The following RANBP17 variants were observed in gnomAD, a reference collection of about 807,000 sequenced individuals.
RANBP17 encodes ran-binding protein 17.
RANBP17 carries 158 observed loss-of-function variants against 141.2 expected under a neutral mutation model. The ratio of observed to expected loss-of-function variants is 1.12; its 90% CI spans 0.98 to 1.28. The LOEUF is 1.28. RANBP17 is among the 50% of genes most tolerant of loss of function. The pLI is 0.00. For synonymous variants in RANBP17, 430 were observed against 450.0 expected, an observed-to-expected ratio of 0.96 and a Z score of 0.56; for missense variants, 1,438 against 1,290.7, an observed-to-expected ratio of 1.11 and a Z score of -1.75.
At chr5:171,122,384 G>A (rs1756104333) in intron 14 of RANBP17, among the ~76,000 whole-genome samples, 1 of 152,168 alleles carries the variant, frequency 6.6e-6, no homozygotes. Context: ...CTTTGGGTGT[G>A]ACTTCAAGAT....
At chr5:171,289,555 A>G (rs1442684215) in intron 25 of RANBP17, among the ~76,000 whole-genome samples, 1 of 151,870 alleles carries the variant, frequency 6.6e-6, no homozygotes, top group Admixed American at 6.6e-5. Context: ...CTGGGCAACA[A>G]AAAGAGATCT....
At chr5:171,029,729 T>C (rs1781440060) in intron 14 of RANBP17, among the ~76,000 whole-genome samples, 1 of 152,110 alleles carries the variant, frequency 6.6e-6, no homozygotes. Context: ...GAGGCTATTT[T>C]CTGGACAAAA....
Position 171,035,110 on chromosome 5 carries a change from T to TTA in RANBP17, c.1710+66741_1710+66742dup, listed in dbSNP as rs557064883. Among the ~76,000 whole-genome samples the TTA allele has an allele frequency of 1.4e-4, 22 of 152,322 alleles. No individual in the cohort carries two copies. The South Asian group carries it at 4.6e-3, about 32-fold the overall frequency. ...GTATAAGAAATGCTAGATGGGGTTG[T>TTA]TATATATATGATTTTTTGTAGAAGG... On this transcript the variant is annotated intron_variant, in intron 14 of 27. Transcript: ENST00000523189.
intron 22 of RANBP17, among the ~76,000 whole-genome samples, chr5:171,238,157 A>T (rs1199014180): frequency 6.6e-6 from 1 of 152,136 alleles, no homozygotes; most frequent in Non-Finnish European, 1.5e-5. Context: ...TATATTAATT[A>T]CTGTCTTAAC....
At chr5:171,237,651 G>T (rs1399289332) in intron 22 of RANBP17, among the ~76,000 whole-genome samples, 1 of 152,164 alleles carries the variant, frequency 6.6e-6, no homozygotes, top group East Asian at 1.9e-4. Context: ...TTTCAGTAAA[G>T]TATGATTTAT....
chr5:171,172,764 G>A, intron 16 of RANBP17, among the ~76,000 whole-genome samples: 1 of 151,582 alleles, frequency 6.6e-6, no homozygotes, highest in South Asian at 2.1e-4. Context: ...AATTTGATTT[G>A]TATTCTTTTA....
intron 4 of RANBP17, among the ~76,000 whole-genome samples, chr5:170,892,930 G>C (rs2127385523): frequency 6.6e-6 from 1 of 151,664 alleles, no homozygotes; most frequent in Non-Finnish European, 1.5e-5. Context: ...CAGGCTTAGA[G>C]GGGTTAAATA....
intron 22 of RANBP17, among the ~76,000 whole-genome samples, chr5:171,229,860 G>A (rs1764103297): frequency 6.6e-6 from 1 of 150,764 alleles, no homozygotes; most frequent in Admixed American, 6.6e-5. Flanking sequence ...GAGGTTGGGA[G>A]TTCAAGACCA....
intron 14 of RANBP17, among the ~76,000 whole-genome samples, chr5:171,021,433 C>G (rs1253740206): frequency 6.6e-6 from 1 of 152,192 alleles, no homozygotes; most frequent in African/African-American, 2.4e-5. Flanking sequence ...TTGGTCTTTT[C>G]TCATAGTCCC....
At chr5:171,078,344 C>T (rs1406374735) in intron 14 of RANBP17, among the ~76,000 whole-genome samples, 3 of 151,926 alleles carry the variant, frequency 2.0e-5, no homozygotes, top group Non-Finnish European at 2.9e-5. Context: ...TTGGTAGAGA[C>T]GGAGTTTCAC....
chr5:171,200,084 T>C (rs1762215100), intron 19 of RANBP17, among the ~76,000 whole-genome samples: 2 of 152,156 alleles, frequency 1.3e-5, no homozygotes, highest in South Asian at 2.1e-4. Flanking sequence ...TATTCCCTCA[T>C]CTATCCTGCA....
At chr5:171,014,401 T>C (rs1561988690) in intron 14 of RANBP17, among the ~76,000 whole-genome samples, 2 of 152,084 alleles carry the variant, frequency 1.3e-5, no homozygotes, top group Non-Finnish European at 2.9e-5. Flanking sequence ...TTTGCCTTTC[T>C]TTGGATCGAA....
chr5:170,990,344 G>A (rs774299903), intron 14 of RANBP17, among the ~76,000 whole-genome samples: 4 of 151,924 alleles, frequency 2.6e-5, no homozygotes, highest in South Asian at 2.1e-4. Context: ...AATGTTAAGC[G>A]TCTTGCCAGC....
At chr5:171,224,452 T>A (rs754541314) in intron 22 of RANBP17, among the ~76,000 whole-genome samples, 6 of 152,198 alleles carry the variant, frequency 3.9e-5, no homozygotes, top group Non-Finnish European at 8.8e-5. Flanking sequence ...CCAGTGTCAC[T>A]GACTTTCTAG....
At chr5:171,019,488 A>G (rs1780698181) in intron 14 of RANBP17, among the ~76,000 whole-genome samples, 1 of 151,904 alleles carries the variant, frequency 6.6e-6, no homozygotes, top group Admixed American at 6.6e-5. Flanking sequence ...TAGTCTTGGG[A>G]GGGTGTATGT....
chr5:171,126,437 C>G (rs902815003), intron 14 of RANBP17, among the ~76,000 whole-genome samples: 3 of 151,824 alleles, frequency 2.0e-5, no homozygotes, highest in African/African-American at 4.8e-5. Context: ...CAAACCAAAC[C>G]CCAAATTAGT....
Position 170,919,586 on chromosome 5 carries a change from G to C in RANBP17, c.1247G>C (p.Arg416Pro). The change falls in exon 11 of 28, where the codon CGG (arginine) becomes CCG (proline). Residue 416 changes from arginine (R) to proline (P), a missense_variant. Coordinates refer to ENST00000523189, the MANE Select transcript of RANBP17 (RefSeq NM_022897.5). ...PEITKAFITS[R>P]LDSVAIVVRD... Reference sequence around the variant, plus strand: ...ATCACGAAGGCCTTTATCACTTCTCGGTTGGACTCTGTTGCCATAGTTGTG... The same window carrying C: ...ATCACGAAGGCCTTTATCACTTCTCCGTTGGACTCTGTTGCCATAGTTGTG... 6.2e-7 allele frequency: 1 copy of C among 1,603,050 alleles called. No individual in the cohort carries two copies. Among genetic ancestry groups the C allele is most frequent in the Non-Finnish European group, 8.5e-7 (1 of 1,176,492 alleles).
intron 14 of RANBP17, among the ~76,000 whole-genome samples, chr5:171,080,558 G>A (rs1785204724): frequency 6.6e-6 from 1 of 152,194 alleles, no homozygotes; most frequent in Admixed American, 6.5e-5. Flanking sequence ...AGAGGATCAT[G>A]TGAGGTTTAT....
At chr5:171,282,799 G>GA (rs1767936241) in intron 25 of RANBP17, among the ~76,000 whole-genome samples, 1 of 152,058 alleles carries the variant, frequency 6.6e-6, no homozygotes, top group Non-Finnish European at 1.5e-5. Flanking sequence ...ATCTTCTTGG[G>GA]AAAAATCAGA....
Sources: allele counts gnomAD v4.1 joint callset (sites outside exome capture counted in the v4.1 genomes callset), GRCh38; gene constraint gnomAD v4.1.1; transcripts MANE v1.5; gene names NCBI Gene and HGNC (gene_info 2026-07-23, HGNC 2026-07-21).